Variants in RBL2 observed in about 807,000 individuals in gnomAD.
The protein encoded by RBL2 is retinoblastoma-like protein 2.
A neutral mutation model predicts 126.0 loss-of-function variants in RBL2; 56 were observed. The ratio of observed to expected loss-of-function variants is 0.44; its 90% CI spans 0.36 to 0.56. The LOEUF is 0.56. Ranked by LOEUF, RBL2 falls within the 20% of genes least tolerant of loss-of-function variation. The pLI is 0.00. For missense variants in RBL2, 1,229 were observed against 1,398.2 expected (o/e 0.88, Z 1.93); for synonymous variants, 454 against 478.5 (o/e 0.95, Z 0.67).
rs1961113251 is a variant in RBL2 at position 53,485,104 on chromosome 16, TGACATTTATAGAACACTCTCTAACAA to T, written c.3249+3270_3249+3295del. ...GAAGATGTAGACATTATCAACTGAT[TGACATTTATAGAACACTCTCTAACAA>T]ATCAAGTGCAGAGAGAACATTTACC... On this transcript the variant is annotated intron_variant, in intron 21 of 21. Transcript: ENST00000262133. Among the ~76,000 whole-genome samples the T allele has an allele frequency of 6.6e-5, 10 of 152,198 alleles. No individual in the cohort carries two copies. In the South Asian group the frequency reaches 2.1e-3, roughly 32 times the overall value.
intron 4 of RBL2, among the ~76,000 whole-genome samples, chr16:53,448,060 T>C (rs2058079373): frequency 6.6e-6 from 1 of 152,248 alleles, no homozygotes; most frequent in African/African-American, 2.4e-5. Flanking sequence ...CTAAGATGGC[T>C]CAATAAAATG....
rs567674772 is a variant in RBL2, at chr16:53,486,956, T to TTTTAAAA, written c.3250-3171_3250-3165dup. Among the ~76,000 whole-genome samples the TTTTAAAA allele has an allele frequency of 5.8e-3, 877 of 152,326 alleles. 7 individuals carry two copies. The highest frequency in any genetic ancestry group is 0.02 in the African/African-American group (841 of 41,570). ...AAATAAAAAATTGAATACCATAACA[T>TTTTAAAA]TTTAAAATTACTTAGGGGTAGGTAT... is the stretch of plus-strand genomic sequence containing the variant. On this transcript the variant is annotated intron_variant, in intron 21 of 21. Transcript: ENST00000262133.
chr16:53,453,018 G>T (rs1464161374), intron 5 of RBL2, among the ~76,000 whole-genome samples: 1 of 151,898 alleles, frequency 6.6e-6, no homozygotes, highest in African/African-American at 2.4e-5. Context: ...TGAGTCTAGG[G>T]CAAGAATAAA....
chr16:53,478,991 G>A (rs1312237799), intron 17 of RBL2, 163 bp from the exon 18 acceptor site: 4 of 601,276 alleles, frequency 6.7e-6, no homozygotes, highest in African/African-American at 5.6e-5. Flanking sequence ...TTCTTGAATC[G>A]ATGTATCTTC....
At chr16:53,477,057 TTGTGTG>T (rs36075761) in intron 17 of RBL2, among the ~76,000 whole-genome samples, 2 of 151,048 alleles carry the variant, frequency 1.3e-5, no homozygotes, top group South Asian at 2.1e-4. Flanking sequence ...TGGTTTCATT[TTGTGTG>T]TGTGTGTGTG....
Position 53,439,954 on chromosome 16 carries a change from CAAAAAAAA to C in RBL2, c.371+825_371+832del, listed in dbSNP as rs10591959. ...GGGCCACAGAGCAAGACCTTGTCTC[CAAAAAAAA>C]AAAAAAAAAAAAAAAAGAAGGTTAC... On this transcript the variant is annotated intron_variant, in intron 2 of 21. Transcript: ENST00000262133. Among the ~76,000 whole-genome samples the C allele has an allele frequency of 7.6e-3, 698 of 91,934 alleles. 6 individuals carry two copies. Among genetic ancestry groups the C allele is most frequent in the African/African-American group, 0.025 (630 of 24,738 alleles). 60.3% of individuals were successfully genotyped at this position (91,934 alleles called of 152,430 possible).
In RBL2 at chr16:53,490,546, C is replaced by G; in HGVS notation, c.*246C>G. ...CTGTCAAGGCTGCTTAGAATCCAAA[C>G]TTGGATTTTTGACTCTGGCAAAGCT... On this transcript the variant is annotated 3_prime_UTR_variant, in exon 22 of 22. Coordinates refer to ENST00000262133, the MANE Select transcript of RBL2 (RefSeq NM_005611.4). 2 of 352,726 alleles carry G rather than the reference C, an allele frequency of 5.7e-6. No homozygotes were observed. The highest frequency in any genetic ancestry group is 1.0e-5 in the Non-Finnish European group (2 of 198,040). The allele number at this position is 352,726 out of a possible 1,614,324, so 21.8% of individuals were successfully genotyped here.
At chr16:53,463,561 CTTTTTTTTT>C (rs770657237) in intron 11 of RBL2, among the ~76,000 whole-genome samples, 7 of 94,406 alleles carry the variant, frequency 7.4e-5, no homozygotes, top group African/African-American at 1.3e-4. Flanking sequence ...TTTTTTTTTC[CTTTTTTTTT>C]TTTTTTTTTT....
chr16:53,450,883 C>T (rs2058108492), intron 4 of RBL2, among the ~76,000 whole-genome samples: 1 of 151,734 alleles, frequency 6.6e-6, no homozygotes, highest in South Asian at 2.1e-4. Flanking sequence ...GCAGAGCTTG[C>T]AGTGAGCTGA....
intron 18 of RBL2, 121 bp downstream of exon 18, chr16:53,479,346 A>G: frequency 1.3e-6 from 1 of 785,676 alleles, no homozygotes; most frequent in African/African-American, 1.8e-5. Flanking sequence ...ACTCTACTTA[A>G]GGGAAGTTTC....
intron 17 of RBL2, 62 bp downstream of exon 17, chr16:53,470,984 A>G (rs2058318219): frequency 1.3e-6 from 2 of 1,487,496 alleles, no homozygotes; most frequent in Middle Eastern, 2.2e-4. Context: ...ACATTTTTTA[A>G]CCACTGTCTT....
intron 20 of RBL2, 46 bp downstream of exon 20, chr16:53,480,815 T>C (rs1960916291): frequency 6.5e-7 from 1 of 1,546,866 alleles, no homozygotes; most frequent in Non-Finnish European, 8.9e-7. Flanking sequence ...CTCATGAGTG[T>C]TGAGGAATCA....
At chr16:53,487,737 A>T (rs147492793) in intron 21 of RBL2, 2 of 152,346 alleles carry the variant, frequency 1.3e-5, no homozygotes, top group East Asian at 3.9e-4. Flanking sequence ...AGAATTAAAA[A>T]ACCAGCCATA....
chr16:53,475,459 A>G (rs1413075394), intron 17 of RBL2, among the ~76,000 whole-genome samples: 2 of 152,086 alleles, frequency 1.3e-5, no homozygotes, highest in East Asian at 3.9e-4. Context: ...CAAGCGATCC[A>G]TCCACCTTGG....
intron 19 of RBL2, 71 bp from the exon 20 acceptor site, chr16:53,480,496 T>A: frequency 2.2e-6 from 3 of 1,349,640 alleles, no homozygotes; most frequent in Non-Finnish European, 3.1e-6. Context: ...CCCTTTCTCC[T>A]ACTTTTAAAA....
chr16:53,447,833 T>A (rs1164304288), intron 4 of RBL2, among the ~76,000 whole-genome samples: 1 of 151,966 alleles, frequency 6.6e-6, no homozygotes, highest in African/African-American at 2.4e-5. Flanking sequence ...TCAGTAGAGA[T>A]GGGGTTTCAC....
At chr16:53,471,117 G>C (rs189036141) in intron 17 of RBL2, among the ~76,000 whole-genome samples, 195 bp downstream of exon 17, 6 of 152,244 alleles carry the variant, frequency 3.9e-5, no homozygotes, top group Non-Finnish European at 7.4e-5. Flanking sequence ...CCATTGTATA[G>C]TTATATGAGA....
Position 53,454,791 on chromosome 16 carries a change from G to A in RBL2, c.1128G>A (p.Glu376=), listed in dbSNP as rs2058150803. The stretch of plus-strand genomic sequence containing the variant: ...GTCTGAACGCTGGTTCAGGAACAGA[G>A]ACTGCTGAAAGGGTGCAGATGAAAA... ...SRCLNAGSGT[E]TAERVQMKNI... The change falls in exon 8 of 22, where the codon GAG becomes GAA. Residue 376 remains glutamate (E), a synonymous_variant. Transcript: ENST00000262133. The A allele has an allele frequency of 6.2e-7, 1 of 1,613,882 alleles. No individual in the cohort carries two copies. The highest frequency in any genetic ancestry group is 1.3e-5 in the African/African-American group (1 of 74,922).
At chr16:53,480,091 A>G in intron 19 of RBL2, 100 bp downstream of exon 19, 1 of 787,072 alleles carries the variant, frequency 1.3e-6, no homozygotes, top group Non-Finnish European at 2.0e-6. Context: ...AAATAACTAT[A>G]GAAACTATGA....
Sources: gnomAD v4.1 joint callset for allele counts (sites outside exome capture counted in the v4.1 genomes callset) on GRCh38, gnomAD v4.1.1 for gene constraint, MANE v1.5 for transcripts, NCBI Gene and HGNC (gene_info 2026-07-23, HGNC 2026-07-21) for gene names.